TBC1D10A: variants seen among roughly 807,000 people sequenced by gnomAD.
The protein encoded by TBC1D10A is TBC1 domain family member 10A.
In TBC1D10A, 24 loss-of-function variants were observed where a neutral mutation model predicts 52.9. The observed-to-expected ratio is 0.45, with a 90% confidence interval of 0.33 to 0.64. The LOEUF (loss-of-function observed/expected upper bound fraction) is 0.64. Among genes scored for constraint, TBC1D10A ranks in the 30% least tolerant of loss-of-function variants. The pLI, the probability that TBC1D10A is intolerant of heterozygous loss-of-function variation, is 0.02. For missense variants in TBC1D10A, 602 were observed against 687.9 expected, an observed-to-expected ratio of 0.88 and a Z score of 1.40; for synonymous variants, 278 against 282.9, an observed-to-expected ratio of 0.98 and a Z score of 0.17.
chr22:30,311,361 A>G (rs1316462073), intron 1 of TBC1D10A, among the ~76,000 whole-genome samples: 1 of 152,176 alleles, frequency 6.6e-6, no homozygotes, highest in Non-Finnish European at 1.5e-5. Context: ...GGAAAAAGGA[A>G]GAGGGTCTGC....
chr22:30,293,703 C>G lies in TBC1D10A; in HGVS notation c.998G>C (p.Arg333Pro), dbSNP rs777146892. The G allele has an allele frequency of 5.7e-5, 92 of 1,612,592 alleles. No individual in the cohort carries two copies. Among genetic ancestry groups the G allele is most frequent in the Non-Finnish European group, 6.5e-5 (77 of 1,179,128 alleles). The change falls in exon 8 of 9, where the codon CGA (arginine) becomes CCA (proline). Residue 333 changes from arginine (R) to proline (P), a missense_variant. Physicochemically the swap from Arg to Pro is moderately radical, Grantham distance 103. This residue lies in a region of TBC1D10A where 265 missense variants were observed against 275.1 expected (regional missense o/e 0.96). Coordinates refer to ENST00000215790, the MANE Select transcript of TBC1D10A (RefSeq NM_031937.3). ...GATCTTGGGGCTGAGGCTCCGCAGT[C>G]GCTCGATGGTCTCGTACTGGCCCTG... The part of the protein sequence containing the change: ...ACQGQYETIE[R>P]LRSLSPKIMQ...
chr22:30,292,837 G>C lies in TBC1D10A; in HGVS notation c.1065C>G (p.Pro355=). The change falls in exon 9 of 9, where the codon CCC becomes CCG. Residue 355 remains proline (P), a synonymous_variant. Transcript: ENST00000215790. ...CGCGCTCAATCTGGCGCTCTGTCAC[G>C]GGCAACTCCACCACCTGCAGGGGCA... ...AFLVQEVVEL[P]VTERQIEREH... is the part of the protein sequence containing the mutation. The C allele has an allele frequency of 6.2e-7, 1 of 1,610,980 alleles. No homozygotes were observed. The highest frequency in any genetic ancestry group is 8.5e-7 in the Non-Finnish European group (1 of 1,179,908).
At chr22:30,300,198 AG>A (rs1930172703) in intron 2 of TBC1D10A, among the ~76,000 whole-genome samples, 1 of 152,032 alleles carries the variant, frequency 6.6e-6, no homozygotes, top group African/African-American at 2.4e-5. Flanking sequence ...CTGTAATCCC[AG>A]CACTCTGGGG....
At chr22:30,323,471 C>T (rs917180136) in intron 1 of TBC1D10A, among the ~76,000 whole-genome samples, 11 of 152,232 alleles carry the variant, frequency 7.2e-5, no homozygotes, top group African/African-American at 2.7e-4. Flanking sequence ...ACCTGTCTGA[C>T]ACCTGATATC....
chr22:30,309,676 C>A (rs1285425771), intron 1 of TBC1D10A, among the ~76,000 whole-genome samples: 2 of 152,234 alleles, frequency 1.3e-5, no homozygotes, highest in East Asian at 3.8e-4. Context: ...GCAGCAGTGA[C>A]ACTCTGCTGA....
chr22:30,295,116 C>A (rs541827168), intron 4 of TBC1D10A, 61 bp from the exon 5 acceptor site: 1 of 1,542,730 alleles, frequency 6.5e-7, no homozygotes, highest in South Asian at 1.1e-5. Flanking sequence ...ACGGCCTTCA[C>A]CTATGCCCCA....
At chr22:30,300,102 C>T (rs1359906197) in intron 2 of TBC1D10A, among the ~76,000 whole-genome samples, 4 of 152,132 alleles carry the variant, frequency 2.6e-5, no homozygotes, top group Middle Eastern at 6.8e-3. Context: ...CACAGGCATT[C>T]CTGAGGTTTG....
chr22:30,293,525 G>T, intron 8 of TBC1D10A, 126 bp downstream of exon 8: 1 of 1,353,712 alleles, frequency 7.4e-7, no homozygotes, highest in Non-Finnish European at 1.0e-6. Flanking sequence ...CACATGTTCT[G>T]TGTTGCCTAG....
At chr22:30,322,733 C>A (rs1317898240) in intron 1 of TBC1D10A, among the ~76,000 whole-genome samples, 1 of 143,336 alleles carries the variant, frequency 7.0e-6, no homozygotes, top group Non-Finnish European at 1.5e-5. Flanking sequence ...GTGGCTAGGA[C>A]TATAGGTGCA....
chr22:30,321,963 C>T (rs992795196), intron 1 of TBC1D10A, among the ~76,000 whole-genome samples: 11 of 151,596 alleles, frequency 7.3e-5, no homozygotes, highest in African/African-American at 2.7e-4. Flanking sequence ...CATCTTTTTC[C>T]TCAACTGGTC....
At position 30,313,341 on chromosome 22, in the gene TBC1D10A, A is replaced by ATGTGTGTGTGTG. The variant is rs6147586; in HGVS notation, c.210-8723_210-8712dup. The stretch of plus-strand genomic sequence containing the variant: ...CTGATACCTAGCTGGTGCTCAATAA[A>ATGTGTGTGTGTG]TGTGTGTGTGTGTGTGTGTGTGTGT... On this transcript the variant is annotated intron_variant, in intron 1 of 8. Transcript: ENST00000215790. 5.5e-3 allele frequency among the ~76,000 whole-genome samples: 753 copies of ATGTGTGTGTGTG among 138,078 alleles called. 12 individuals are homozygous for ATGTGTGTGTGTG. Among genetic ancestry groups the ATGTGTGTGTGTG allele is most frequent in the African/African-American group, 0.015 (536 of 35,490 alleles). The allele number at this position is 138,078 out of a possible 152,430, so 90.6% of individuals were successfully genotyped here.
At position 30,295,817 on chromosome 22, in the gene TBC1D10A, G is replaced by T. The variant is rs372600937; in HGVS notation, c.444C>A (p.Pro148=). ...FDELDMSPGD[P]KWLDVIERDL... ...CACGCTCAATCACGTCCAGCCACTTGGGGTCCCCAGGGGACATGTCCAGCT... is the reference window on the plus strand; with the variant it reads ...CACGCTCAATCACGTCCAGCCACTTTGGGTCCCCAGGGGACATGTCCAGCT... The change falls in exon 4 of 9, where the codon CCC becomes CCA. Residue 148 remains proline, a synonymous_variant. Transcript: ENST00000215790. The T allele has an allele frequency of 3.7e-6, 6 of 1,613,818 alleles. No individual in the cohort carries two copies. The East Asian group carries it at 6.7e-5, about 18-fold the overall frequency.
rs1352410544 is a variant in TBC1D10A, at chr22:30,310,990, T to C, written c.210-6360A>G. Among the ~76,000 whole-genome samples the C allele has an allele frequency of 2.0e-5, 3 of 151,832 alleles. No homozygotes were observed. The East Asian group carries it at 5.8e-4, about 29-fold the overall frequency. On this transcript the variant is annotated intron_variant, in intron 1 of 8. Transcript: ENST00000215790. ...GCAGTTGGAGGAAGTCCCACCAAAG[T>C]GTGGAAAATTGGGAAGTGGATGTGC...
intron 2 of TBC1D10A, 69 bp from the exon 3 acceptor site, chr22:30,299,620 C>T: frequency 6.9e-7 from 1 of 1,446,208 alleles, no homozygotes; most frequent in Non-Finnish European, 9.6e-7. Flanking sequence ...GCCCCTCTGC[C>T]AATGCGTGGT....
intron 4 of TBC1D10A, among the ~76,000 whole-genome samples, chr22:30,295,533 C>T (rs534842742): frequency 7.2e-5 from 11 of 152,334 alleles, no homozygotes; most frequent in Non-Finnish European, 1.3e-4. Flanking sequence ...AGCTCTAGCA[C>T]TCTGGAGTCA....
intron 1 of TBC1D10A, among the ~76,000 whole-genome samples, chr22:30,313,978 T>C (rs1009426860): frequency 6.6e-6 from 1 of 152,168 alleles, no homozygotes. Context: ...TGAATGTCTG[T>C]TATAACAACA....
chr22:30,312,415 C>A (rs892385117), intron 1 of TBC1D10A, among the ~76,000 whole-genome samples: 3 of 152,140 alleles, frequency 2.0e-5, no homozygotes, highest in Admixed American at 6.5e-5. Flanking sequence ...CCCAGCTGCT[C>A]GGGAGACTGA....
In TBC1D10A at chr22:30,293,765, C is replaced by T. The variant is rs1930007694; in HGVS notation, c.936G>A (p.Lys312=). 1.2e-5 allele frequency: 19 copies of T among 1,612,668 alleles called. No individual in the cohort carries two copies. Among genetic ancestry groups the T allele is most frequent in the Non-Finnish European group, 1.4e-5 (17 of 1,179,326 alleles). ...CCTTCTCAGGGGAGCCCAGCGCGTG[C>T]TTCAGCAGCACCAGCCCCACCCGGA... is the stretch of plus-strand genomic sequence containing the variant. ...IIFRVGLVLL[K]HALGSPEKVK... The change falls in exon 8 of 9, where the codon AAG becomes AAA. Residue 312 remains lysine, a synonymous_variant. Coordinates refer to ENST00000215790, the MANE Select transcript of TBC1D10A (RefSeq NM_031937.3).
chr22:30,294,096 C>T lies in TBC1D10A; in HGVS notation c.720G>A (p.Leu240=), dbSNP rs779790532. Residue 240 remains leucine, a synonymous_variant, in exon 7 of 9, where the codon CTG becomes CTA. Transcript: ENST00000215790. The part of the protein sequence containing the change: ...YYSEKLEAIQ[L]DGEILFSLLQ... ...ACAGCGAGAAAAGGATCTCCCCGTC[C>T]AGCTGGATCGCCTCCTAGGGAGACA... 49 of 1,613,752 alleles carry T rather than the reference C, an allele frequency of 3.0e-5. No individual in the cohort carries two copies. Among genetic ancestry groups the T allele is most frequent in the Non-Finnish European group, 4.2e-5 (49 of 1,179,988 alleles).
Sources: allele counts gnomAD v4.1 joint callset (sites outside exome capture counted in the v4.1 genomes callset), GRCh38; gene constraint gnomAD v4.1.1; regional missense constraint gnomAD v4.1.1; transcripts MANE v1.5; gene names NCBI Gene and HGNC (gene_info 2026-07-23, HGNC 2026-07-21).